The following GRM1 variants were observed in gnomAD, a reference collection of about 807,000 sequenced individuals.
GRM1 encodes glutamate metabotropic receptor 1, also known as metabotropic glutamate receptor 1.
Under a neutral mutation model 90.9 loss-of-function variants are expected in GRM1, and 33 were observed. The observed-to-expected ratio is 0.36, with a 90% CI of 0.28 to 0.49. GRM1 has a LOEUF of 0.49. GRM1 is among the 20% of genes least tolerant of loss of function. GRM1 has a pLI of 0.99. For missense variants in GRM1, 1,190 were observed against 1,534.3 expected (o/e 0.78, Z 3.75); for synonymous variants, 700 against 613.2 (o/e 1.14, Z -2.09).
At chr6:146,339,832 A>G (rs1784906596) in intron 3 of GRM1, among the ~76,000 whole-genome samples, 2 of 152,194 alleles carry the variant, frequency 1.3e-5, no homozygotes, top group Admixed American at 6.5e-5. Context: ...TTCCCTTAAC[A>G]TCATAAGCTA....
chr6:146,071,820 G>T (rs1045425461), intron 1 of GRM1, among the ~76,000 whole-genome samples: 2 of 152,112 alleles, frequency 1.3e-5, no homozygotes, highest in African/African-American at 2.4e-5. Context: ...GCAAGGAGCT[G>T]GGCCTTTAAT....
At chr6:146,200,613 C>A (rs1232898776) in intron 2 of GRM1, among the ~76,000 whole-genome samples, 2 of 152,074 alleles carry the variant, frequency 1.3e-5, no homozygotes, top group Admixed American at 6.5e-5. Context: ...CATCTGTGTT[C>A]TTGTATTACT....
intron 2 of GRM1, among the ~76,000 whole-genome samples, chr6:146,252,003 G>A (rs534973786): frequency 1.2e-4 from 18 of 152,186 alleles, no homozygotes; most frequent in Admixed American, 1.0e-3. Flanking sequence ...CACCTTCATA[G>A]AATTGTAACC....
At chr6:146,289,445 A>G (rs1034177590) in intron 2 of GRM1, among the ~76,000 whole-genome samples, 2 of 152,228 alleles carry the variant, frequency 1.3e-5, no homozygotes, top group Non-Finnish European at 2.9e-5. Flanking sequence ...AAGTGTTATT[A>G]TGAAAGAGTC....
chr6:146,111,235 GA>G (rs1289126839), intron 1 of GRM1, among the ~76,000 whole-genome samples: 2 of 152,214 alleles, frequency 1.3e-5, no homozygotes, highest in East Asian at 1.9e-4. Flanking sequence ...ATTTTATGGG[GA>G]AAAAAAGTGG....
chr6:146,273,747 G>A (rs1489092458), intron 2 of GRM1, among the ~76,000 whole-genome samples: 1 of 152,200 alleles, frequency 6.6e-6, no homozygotes, highest in Non-Finnish European at 1.5e-5. Flanking sequence ...CTGCTAAGAG[G>A]TACAAATGAT....
intron 3 of GRM1, among the ~76,000 whole-genome samples, chr6:146,335,725 A>C (rs1472795262): frequency 4.6e-5 from 7 of 152,196 alleles, no homozygotes; most frequent in African/African-American, 1.7e-4. Flanking sequence ...TCTCCATTTT[A>C]ACAGATACAT....
At chr6:146,396,159 A>G (rs561344512) in intron 6 of GRM1, among the ~76,000 whole-genome samples, 5 of 152,000 alleles carry the variant, frequency 3.3e-5, no homozygotes, top group African/African-American at 9.6e-5. Context: ...TGCATTGGGA[A>G]AACAAAAATA....
At chr6:146,203,236 TAAATA>T (rs1245940292) in intron 2 of GRM1, among the ~76,000 whole-genome samples, 2 of 151,662 alleles carry the variant, frequency 1.3e-5, no homozygotes, top group African/African-American at 4.8e-5. Flanking sequence ...AATAAATAAA[TAAATA>T]AATCCCTGAA....
At chr6:146,038,528 G>T (rs1013270973) in intron 1 of GRM1, among the ~76,000 whole-genome samples, 1 of 152,026 alleles carries the variant, frequency 6.6e-6, no homozygotes, top group African/African-American at 2.4e-5. Context: ...TTAGGAAGAT[G>T]CCCTTAGCTT....
intron 3 of GRM1, among the ~76,000 whole-genome samples, chr6:146,347,620 C>T (rs915525930): frequency 6.6e-6 from 1 of 152,050 alleles, no homozygotes; most frequent in African/African-American, 2.4e-5. Context: ...ATGGATTCTG[C>T]ACACTGAAAG....
At chr6:146,321,590 A>T (rs1358272216) in intron 3 of GRM1, among the ~76,000 whole-genome samples, 1 of 151,180 alleles carries the variant, frequency 6.6e-6, no homozygotes, top group Non-Finnish European at 1.5e-5. Flanking sequence ...CACTATTATT[A>T]TGTGGGAGTC....
At chr6:146,273,845 T>C (rs1405229175) in intron 2 of GRM1, among the ~76,000 whole-genome samples, 1 of 152,214 alleles carries the variant, frequency 6.6e-6, no homozygotes, top group Non-Finnish European at 1.5e-5. Flanking sequence ...GAAAAGGCAA[T>C]TATGAGGAGG....
chr6:146,170,919 T>C (rs56357743), intron 2 of GRM1, among the ~76,000 whole-genome samples: 6,719 of 152,258 alleles, frequency 0.044, 181 homozygotes, highest in Admixed American at 0.061. Context: ...GTTCCTCTTC[T>C]CTGGGGCTTG....
At chr6:146,347,196 A>T (rs1785215897) in intron 3 of GRM1, among the ~76,000 whole-genome samples, 1 of 152,184 alleles carries the variant, frequency 6.6e-6, no homozygotes, top group African/African-American at 2.4e-5. Flanking sequence ...TAAGCTAATA[A>T]TTTTTGCTAA....
intron 2 of GRM1, among the ~76,000 whole-genome samples, chr6:146,212,883 T>A (rs1779727359): frequency 6.6e-6 from 1 of 152,080 alleles, no homozygotes; most frequent in Non-Finnish European, 1.5e-5. Flanking sequence ...GTTCTATTTT[T>A]AGTATAATAA....
intron 3 of GRM1, among the ~76,000 whole-genome samples, chr6:146,341,925 T>C (rs1784996113): frequency 6.6e-6 from 1 of 152,220 alleles, no homozygotes; most frequent in Non-Finnish European, 1.5e-5. Flanking sequence ...ACCATGACTG[T>C]ATGCCTGCCT....
At chr6:146,389,933 C>T (rs1376177816) in intron 6 of GRM1, among the ~76,000 whole-genome samples, 2 of 151,942 alleles carry the variant, frequency 1.3e-5, no homozygotes, top group Admixed American at 6.6e-5. Context: ...GGGCATAGTC[C>T]GTGCCAATGT....
chr6:146,356,969 C>T (rs1785608028), intron 4 of GRM1, among the ~76,000 whole-genome samples: 1 of 152,020 alleles, frequency 6.6e-6, no homozygotes, highest in African/African-American at 2.4e-5. Context: ...AATATTTATC[C>T]TAATCAGGGA....
Sources: gnomAD v4.1 joint callset for allele counts (sites outside exome capture counted in the v4.1 genomes callset) on GRCh38, gnomAD v4.1.1 for gene constraint, MANE v1.5 for transcripts, NCBI Gene and HGNC (gene_info 2026-07-23, HGNC 2026-07-21) for gene names.